MAP3K2: variants seen among roughly 807,000 people sequenced by gnomAD.
MAP3K2 encodes MAP/ERK kinase kinase 2.
Under a neutral mutation model 80.3 loss-of-function variants are expected in MAP3K2, and 24 were observed. The observed-to-expected ratio is 0.30, with a 90% CI of 0.22 to 0.42. MAP3K2 has a LOEUF of 0.42. Among genes scored for constraint, MAP3K2 ranks in the 10% least tolerant of loss-of-function variants. The pLI, the probability that MAP3K2 is intolerant of heterozygous loss-of-function variation, is 1.00. For missense variants in MAP3K2, 608 were observed against 750.1 expected (o/e 0.81, Z 2.21); for synonymous variants, 244 against 253.7 (o/e 0.96, Z 0.36).
chr2:127,334,682 G>A (rs1429404244), intron 5 of MAP3K2, among the ~76,000 whole-genome samples: 1 of 152,082 alleles, frequency 6.6e-6, no homozygotes, highest in Non-Finnish European at 1.5e-5. Context: ...GGCCTCAGGT[G>A]ATCCTCCTGC....
In MAP3K2 at chr2:127,308,636, A is replaced by G. The variant is rs1180582383; in HGVS notation, c.1583T>C (p.Met528Thr). Reference sequence around the variant, plus strand: ...TTCTCCACTGATGACTTCAGGGCTCATCCAGTATGGTGTGCCCGTGACAGA... The same window carrying G: ...TTCTCCACTGATGACTTCAGGGCTCGTCCAGTATGGTGTGCCCGTGACAGA... ...MKSVTGTPYWMSPEVISGEGY... is the reference protein window; with the variant it reads ...MKSVTGTPYWTSPEVISGEGY... The change falls in exon 16 of 17, where the codon ATG (methionine) becomes ACG (threonine). Residue 528 changes from methionine (M) to threonine (T), a missense_variant. This residue lies in a region of MAP3K2 where 88 missense variants were observed against 132.4 expected (regional missense o/e 0.66). Coordinates refer to ENST00000682094, the MANE Select transcript of MAP3K2 (RefSeq NM_001371910.2). 6.2e-6 allele frequency: 10 copies of G among 1,613,628 alleles called. No homozygotes were observed. Among genetic ancestry groups the G allele is most frequent in the Non-Finnish European group, 8.5e-6 (10 of 1,179,624 alleles).
At chr2:127,318,048 CTTT>C (rs11452548) in intron 13 of MAP3K2, 118 bp downstream of exon 13, 47 of 578,566 alleles carry the variant, frequency 8.1e-5, no homozygotes, top group South Asian at 2.6e-4. Context: ...AAGAAAACTG[CTTT>C]TTTTTTTTTT....
intron 1 of MAP3K2, among the ~76,000 whole-genome samples, chr2:127,361,393 A>G (rs1686888034): frequency 6.6e-6 from 1 of 152,112 alleles, no homozygotes; most frequent in Non-Finnish European, 1.5e-5. Flanking sequence ...TAAAAGCAAC[A>G]ATATAGAGCC....
intron 16 of MAP3K2, 53 bp downstream of exon 16, chr2:127,308,532 G>A: frequency 6.9e-7 from 1 of 1,450,304 alleles, no homozygotes. Flanking sequence ...AATCCCAGGT[G>A]GAAATACATA....
rs1158708374 is a variant in MAP3K2 at position 127,322,603 on chromosome 2, T to C, written c.839-351A>G. On this transcript the variant is annotated intron_variant, in intron 11 of 16. Transcript: ENST00000682094. The surrounding 1 kb of genome is among the most constrained non-coding windows in gnomAD (Gnocchi z 4.2). ...GTTCACAGGTAGTAATTTTTTTCTT[T>C]TCTTTTTGAGATGGAGTTTCACTCT... is the stretch of plus-strand genomic sequence containing the variant. Among the ~76,000 whole-genome samples, 3 of 152,152 alleles carry C rather than the reference T, an allele frequency of 2.0e-5. No individual in the cohort carries two copies. The highest frequency in any genetic ancestry group is 2.4e-5 in the African/African-American group (1 of 41,448).
In MAP3K2 at chr2:127,376,623, G is replaced by C. The variant is rs550322664; in HGVS notation, c.-66+10829C>G. On this transcript the variant is annotated intron_variant, in intron 1 of 16. Transcript: ENST00000682094. ...GGTCCCAAAGTGGGACCCAAAGTAAGGATGACAAAAATGTTGAGCTGAGCC... is the reference window on the plus strand; with the variant it reads ...GGTCCCAAAGTGGGACCCAAAGTAACGATGACAAAAATGTTGAGCTGAGCC... Among the ~76,000 whole-genome samples the C allele has an allele frequency of 1.6e-4, 25 of 152,286 alleles. No individual in the cohort carries two copies. The South Asian group carries it at 4.1e-3, about 25-fold the overall frequency.
intron 1 of MAP3K2, among the ~76,000 whole-genome samples, chr2:127,377,940 C>T (rs962087012): frequency 6.6e-6 from 1 of 152,164 alleles, no homozygotes; most frequent in African/African-American, 2.4e-5. Flanking sequence ...GCTGAGATCA[C>T]ACCACTGCCT....
intron 1 of MAP3K2, among the ~76,000 whole-genome samples, chr2:127,343,651 T>C (rs1686541361): frequency 6.6e-6 from 1 of 152,040 alleles, no homozygotes; most frequent in Non-Finnish European, 1.5e-5. Flanking sequence ...TTGCTGGGTA[T>C]ACAATATATA....
chr2:127,359,342 A>T (rs561258635), intron 1 of MAP3K2, among the ~76,000 whole-genome samples: 2 of 152,288 alleles, frequency 1.3e-5, no homozygotes, highest in South Asian at 4.1e-4. Flanking sequence ...CTTTCCACTC[A>T]ATTTTTCTAT....
At chr2:127,342,673 G>C (rs1010309509) in intron 2 of MAP3K2, among the ~76,000 whole-genome samples, 8 of 61,090 alleles carry the variant, frequency 1.3e-4, no homozygotes, top group African/African-American at 5.3e-4. Context: ...AAAACAAAAA[G>C]GAGGTAAACA....
In MAP3K2 at chr2:127,304,045, ACTCT is replaced by A. The variant is rs1219159188; in HGVS notation, c.*3530_*3533del. On this transcript the variant is annotated 3_prime_UTR_variant, in exon 17 of 17. Coordinates refer to ENST00000682094, the MANE Select transcript of MAP3K2 (RefSeq NM_001371910.2). ...CAGTTTCTTTGGGAATAAGGTAAAG[ACTCT>A]CTCAAGTGAAAGCCAATCCAATTCA... 6.6e-6 allele frequency: 1 copy of A among 152,084 alleles called. No individual in the cohort carries two copies. The highest frequency in any genetic ancestry group is 1.5e-5 in the Non-Finnish European group (1 of 68,002). The allele number at this position is 152,084 out of a possible 1,614,324, so 9.4% of individuals were successfully genotyped here.
chr2:127,365,116 CAAAAAAAAAAAAAAAAAAA>C (rs10558890), intron 1 of MAP3K2, among the ~76,000 whole-genome samples: 144 of 31,656 alleles, frequency 4.5e-3, no homozygotes, highest in South Asian at 0.011. Context: ...GACTCTGCCT[CAAAAAAAAAAAAAAAAAAA>C]AAAAAAAAAA....
rs939480958 is a variant in MAP3K2 at position 127,339,539 on chromosome 2, A to G, written c.5-489T>C. Among the ~76,000 whole-genome samples the G allele has an allele frequency of 2.6e-5, 4 of 152,234 alleles. No homozygotes were observed. Among genetic ancestry groups the G allele is most frequent in the African/African-American group, 9.6e-5 (4 of 41,472 alleles). On this transcript the variant is annotated intron_variant, in intron 2 of 16. Coordinates refer to ENST00000682094, the MANE Select transcript of MAP3K2 (RefSeq NM_001371910.2). This position sits in a 1 kb window ranked among gnomAD's most constrained non-coding sequence, Gnocchi z 4.2. ...AAACAAAGAAAAGCTTCACCTGTGG[A>G]TACTGGCCTACTGTATTTGGAAATG...
intron 1 of MAP3K2, chr2:127,378,182 A>C: frequency 1.0e-6 from 1 of 983,636 alleles, no homozygotes; most frequent in Non-Finnish European, 1.2e-6. Context: ...AAGGAACCAG[A>C]ATACAAAGAA....
At position 127,339,849 on chromosome 2, in the gene MAP3K2, T is replaced by C. The variant is rs1257096579; in HGVS notation, c.5-799A>G. On this transcript the variant is annotated intron_variant, in intron 2 of 16. Coordinates refer to ENST00000682094, the MANE Select transcript of MAP3K2 (RefSeq NM_001371910.2). The surrounding 1 kb of genome is among the most constrained non-coding windows in gnomAD (Gnocchi z 4.2). ...TTCACTAGTAAATCAATTCTACTAA[T>C]GATAATCACAAATGATAAATAAAGG... 6.6e-6 allele frequency among the ~76,000 whole-genome samples: 1 copy of C among 152,200 alleles called. No individual in the cohort carries two copies. Among genetic ancestry groups the C allele is most frequent in the African/African-American group, 2.4e-5 (1 of 41,464 alleles).
chr2:127,378,701 C>T (rs958289303), intron 1 of MAP3K2, among the ~76,000 whole-genome samples: 5 of 152,106 alleles, frequency 3.3e-5, no homozygotes, highest in Admixed American at 2.0e-4. Context: ...AAAAATCATA[C>T]GTCTCTAGAT....
Position 127,339,376 on chromosome 2 carries a change from G to C in MAP3K2, c.5-326C>G, listed in dbSNP as rs1686433776. ...CTATGACTCCTAAACAAAACATCAAGGTATCTAAAATGTTTTAAAAAGTAG... is the reference window on the plus strand; with the variant it reads ...CTATGACTCCTAAACAAAACATCAACGTATCTAAAATGTTTTAAAAAGTAG... On this transcript the variant is annotated intron_variant, in intron 2 of 16. Transcript: ENST00000682094. This position sits in a 1 kb window ranked among gnomAD's most constrained non-coding sequence, Gnocchi z 4.2. Among the ~76,000 whole-genome samples the C allele has an allele frequency of 6.6e-6, 1 of 151,372 alleles. No homozygotes were observed. The highest frequency in any genetic ancestry group is 2.4e-5 in the African/African-American group (1 of 41,198).
intron 12 of MAP3K2, among the ~76,000 whole-genome samples, chr2:127,320,093 A>G (rs1016010600): frequency 8.5e-5 from 13 of 152,162 alleles, no homozygotes; most frequent in Admixed American, 8.5e-4. Context: ...CCTATACATG[A>G]TATCTGGCAT....
rs56911251 is a variant in MAP3K2 at position 127,332,813 on chromosome 2, G to A, written c.265-2308C>T. ...TGAATTATCTTCCTGAATTTACATA[G>A]TGAAGTATGAAGACAGCCATTAAAA... On this transcript the variant is annotated intron_variant, in intron 5 of 16. Transcript: ENST00000682094. 8.5e-3 allele frequency among the ~76,000 whole-genome samples: 1,294 copies of A among 152,218 alleles called. 10 individuals are homozygous for A. The highest frequency in any genetic ancestry group is 0.029 in the African/African-American group (1,223 of 41,536).
Sources: gnomAD v4.1 joint callset for allele counts (sites outside exome capture counted in the v4.1 genomes callset) on GRCh38, gnomAD v4.1.1 for gene constraint, gnomAD v4.1.1 regional missense constraint, Gnocchi (gnomAD v3.1) non-coding constraint, MANE v1.5 for transcripts, NCBI Gene and HGNC (gene_info 2026-07-23, HGNC 2026-07-21) for gene names.